Variants in MAP4K5 observed in about 807,000 individuals in gnomAD.
The protein encoded by MAP4K5 is MAPK/ERK kinase kinase kinase 5.
MAP4K5 carries 82 observed loss-of-function variants against 135.6 expected under a neutral mutation model. The observed-to-expected ratio is 0.60, with a 90% CI of 0.51 to 0.73. MAP4K5 has a LOEUF of 0.73. Ranked by LOEUF, MAP4K5 falls within the 30% of genes least tolerant of loss-of-function variation. The pLI, the probability that MAP4K5 is intolerant of heterozygous loss-of-function variation, is 0.00. For missense variants in MAP4K5, 907 were observed against 1,010.9 expected, an observed-to-expected ratio of 0.90 and a Z score of 1.39; for synonymous variants, 347 against 335.0, an observed-to-expected ratio of 1.04 and a Z score of -0.39.
At chr14:50,461,035 A>T (rs1313081255) in intron 13 of MAP4K5, among the ~76,000 whole-genome samples, 1 of 152,052 alleles carries the variant, frequency 6.6e-6, no homozygotes, top group Non-Finnish European at 1.5e-5. Context: ...ATATTTATTT[A>T]TTTATTTAAA....
chr14:50,492,427 A>G (rs969130440), intron 3 of MAP4K5, among the ~76,000 whole-genome samples: 2 of 151,420 alleles, frequency 1.3e-5, no homozygotes, highest in Non-Finnish European at 2.9e-5. Flanking sequence ...CTCTGTCTCC[A>G]CAAAAAAAAC....
In MAP4K5 at chr14:50,466,564, T is replaced by G. The variant is rs1282515549; in HGVS notation, c.737+19A>C. The G allele has an allele frequency of 1.6e-6, 2 of 1,227,626 alleles. No individual in the cohort carries two copies. Among genetic ancestry groups the G allele is most frequent in the Non-Finnish European group, 2.3e-6 (2 of 854,874 alleles). 76.0% of individuals were successfully genotyped at this position (1,227,626 alleles called of 1,614,324 possible). On this transcript the variant is annotated intron_variant, in intron 11 of 32. Coordinates refer to ENST00000682126, the MANE Select transcript of MAP4K5 (RefSeq NM_006575.6). ...TTTCGATTGTAAAATTCTATAAAACTATATATTCTTTAACTCACCATTTTG... is the reference window on the plus strand; with the variant it reads ...TTTCGATTGTAAAATTCTATAAAACGATATATTCTTTAACTCACCATTTTG...
chr14:50,477,237 T>C (rs1020805040), intron 6 of MAP4K5, among the ~76,000 whole-genome samples: 1 of 152,146 alleles, frequency 6.6e-6, no homozygotes, highest in Non-Finnish European at 1.5e-5. Flanking sequence ...ATATTCTTTA[T>C]GTTATTATAT....
At chr14:50,458,642 C>T (rs1312804641) in intron 13 of MAP4K5, among the ~76,000 whole-genome samples, 1 of 152,096 alleles carries the variant, frequency 6.6e-6, no homozygotes, top group Non-Finnish European at 1.5e-5. Context: ...TTTGCTATTG[C>T]TCTTTGCCTA....
At chr14:50,460,890 A>G (rs1050466548) in intron 13 of MAP4K5, among the ~76,000 whole-genome samples, 3 of 151,986 alleles carry the variant, frequency 2.0e-5, no homozygotes, top group Admixed American at 1.3e-4. Context: ...AATTACTTTC[A>G]TTTTTTGTCC....
At chr14:50,523,814 A>T (rs1249351084) in intron 2 of MAP4K5, among the ~76,000 whole-genome samples, 1 of 152,222 alleles carries the variant, frequency 6.6e-6, no homozygotes, top group Non-Finnish European at 1.5e-5. Flanking sequence ...TGTCTGCCCC[A>T]TAGGAGGCCT....
intron 3 of MAP4K5, among the ~76,000 whole-genome samples, chr14:50,502,481 T>C (rs1041892504): frequency 6.6e-6 from 1 of 151,924 alleles, no homozygotes; most frequent in African/African-American, 2.4e-5. Flanking sequence ...TAGCGAGAAA[T>C]ACCATAAATA....
At chr14:50,519,618 T>C (rs1051270004) in intron 2 of MAP4K5, among the ~76,000 whole-genome samples, 1 of 151,988 alleles carries the variant, frequency 6.6e-6, no homozygotes, top group Non-Finnish European at 1.5e-5. Flanking sequence ...TGTGCCACTG[T>C]ACTCCAGCCT....
chr14:50,486,257 G>A (rs552752010), intron 3 of MAP4K5, 63 bp from the exon 4 acceptor site: 12 of 599,870 alleles, frequency 2.0e-5, no homozygotes, highest in South Asian at 1.1e-4. Context: ...AAAGAAGGAA[G>A]GAAAACTTTA....
intron 2 of MAP4K5, among the ~76,000 whole-genome samples, chr14:50,531,250 TTAAG>T (rs1252514189): frequency 2.0e-5 from 3 of 152,230 alleles, no homozygotes; most frequent in African/African-American, 4.8e-5. Flanking sequence ...ATCGTTTGTC[TTAAG>T]TAATACAAAA....
chr14:50,442,966 AT>A, intron 20 of MAP4K5, 150 bp from the exon 21 acceptor site: 3 of 561,228 alleles, frequency 5.3e-6, no homozygotes, highest in Non-Finnish European at 6.3e-6. Context: ...TTTTCACATC[AT>A]TAAACCCCTA....
chr14:50,419,257 T>C lies in MAP4K5; in HGVS notation c.*762A>G, dbSNP rs1595405396. 6.6e-6 allele frequency: 1 copy of C among 152,160 alleles called. No individual in the cohort carries two copies. The highest frequency in any genetic ancestry group is 2.4e-5 in the African/African-American group (1 of 41,460). The allele number at this position is 152,160 out of a possible 1,614,324, so 9.4% of individuals were successfully genotyped here. On this transcript the variant is annotated 3_prime_UTR_variant, in exon 33 of 33. Transcript: ENST00000682126. Reference sequence around the variant, plus strand: ...CACAGCTAGACATACACACCCCTTCTAAGAATATTTCAACTATCATCAATA... The same window carrying C: ...CACAGCTAGACATACACACCCCTTCCAAGAATATTTCAACTATCATCAATA...
intron 6 of MAP4K5, among the ~76,000 whole-genome samples, chr14:50,479,239 A>G (rs2037181879): frequency 6.7e-6 from 1 of 149,116 alleles, no homozygotes; most frequent in Non-Finnish European, 1.5e-5. Flanking sequence ...CTTCAAGGAC[A>G]CCAATTATAT....
intron 26 of MAP4K5, 86 bp from the exon 27 acceptor site, chr14:50,435,151 G>T: frequency 1.7e-6 from 1 of 595,122 alleles, no homozygotes; most frequent in Non-Finnish European, 2.9e-6. Context: ...GATGACAAGA[G>T]TGGGCAGAAA....
chr14:50,474,382 C>T (rs2037048147), intron 9 of MAP4K5, among the ~76,000 whole-genome samples: 1 of 150,818 alleles, frequency 6.6e-6, no homozygotes, highest in Admixed American at 6.6e-5. Flanking sequence ...GAATGAAACC[C>T]TGTCTCAGAA....
intron 3 of MAP4K5, among the ~76,000 whole-genome samples, chr14:50,486,513 G>A (rs946440682): frequency 2.0e-5 from 3 of 152,134 alleles, no homozygotes; most frequent in Admixed American, 6.5e-5. Flanking sequence ...ATGAAAATAG[G>A]TTTATATTAT....
intron 3 of MAP4K5, among the ~76,000 whole-genome samples, chr14:50,486,783 T>C (rs1027616437): frequency 1.1e-4 from 16 of 151,946 alleles, no homozygotes; most frequent in African/African-American, 3.9e-4. Flanking sequence ...ACACAAAAAT[T>C]AGATGGGTGT....
chr14:50,459,271 T>C (rs1282749935), intron 13 of MAP4K5, among the ~76,000 whole-genome samples: 1 of 152,234 alleles, frequency 6.6e-6, no homozygotes, highest in Non-Finnish European at 1.5e-5. Context: ...ATAGTGTTCC[T>C]ATCTTAGTAA....
rs1477662641 is a variant in MAP4K5, at chr14:50,462,892, G to A, written c.820-111C>T. 5 of 636,454 alleles carry A rather than the reference G, an allele frequency of 7.9e-6. No homozygotes were observed. The East Asian group carries it at 1.1e-4, about 14-fold the overall frequency. 39.4% of individuals were successfully genotyped at this position (636,454 alleles called of 1,614,324 possible). A position where few individuals can be genotyped will look rare whatever the true frequency, so the allele number is the denominator to read the frequency against. On this transcript the variant is annotated intron_variant, in intron 12 of 32. Transcript: ENST00000682126. Reference sequence around the variant, plus strand: ...AACTAGCAGAGACAAGTATATGGGAGTCTACTAACACAAATAAACTGTGTT... The same window carrying A: ...AACTAGCAGAGACAAGTATATGGGAATCTACTAACACAAATAAACTGTGTT...
Sources: gnomAD v4.1 joint callset for allele counts (sites outside exome capture counted in the v4.1 genomes callset) on GRCh38, gnomAD v4.1.1 for gene constraint, MANE v1.5 for transcripts, NCBI Gene and HGNC (gene_info 2026-07-23, HGNC 2026-07-21) for gene names.